The following PROM2 variants were observed in gnomAD, a reference collection of about 807,000 sequenced individuals.
PROM2 encodes the protein prominin-2.
In PROM2, 90 loss-of-function variants were observed where a neutral mutation model predicts 110.2. That is an observed-to-expected ratio of 0.82 (90% CI 0.69 to 0.97). The LOEUF is 0.97. Ranked by LOEUF, PROM2 falls within the 50% of genes least tolerant of loss-of-function variation. The pLI is 0.00. For synonymous variants in PROM2, 470 were observed against 467.8 expected, an observed-to-expected ratio of 1.00 and a Z score of -0.06; for missense variants, 1,009 against 1,074.8, an observed-to-expected ratio of 0.94 and a Z score of 0.86.
rs879332266 is a variant in PROM2, at chr2:95,286,993, A to C, written c.2094+136A>C. 4 of 1,265,378 alleles carry C rather than the reference A, an allele frequency of 3.2e-6. No individual in the cohort carries two copies. The African/African-American group carries it at 5.9e-5, about 19-fold the overall frequency. 78.4% of individuals were successfully genotyped at this position (1,265,378 alleles called of 1,614,324 possible). ...GGGTTGGGAGGAAGATGGGGGTGGC[A>C]GCAGAGCCTGGGGGATCACCACCCT... On this transcript the variant is annotated intron_variant, in intron 18 of 23. Transcript: ENST00000317620.
Position 95,290,081 on chromosome 2 carries a change from C to T in PROM2, c.*868C>T, listed in dbSNP as rs1258577973. On this transcript the variant is annotated 3_prime_UTR_variant, in exon 24 of 24. Transcript: ENST00000317620. ...ACCTGGGCCACAGTGGGGGCTTGCC[C>T]TTACCTCTTCAGAAGGAAGCATCTT... 7 of 152,302 alleles carry T rather than the reference C, an allele frequency of 4.6e-5. No homozygotes were observed. The highest frequency in any genetic ancestry group is 8.8e-5 in the Non-Finnish European group (6 of 68,118). 9.4% of individuals were successfully genotyped at this position (152,302 alleles called of 1,614,324 possible). A position where few individuals can be genotyped will look rare whatever the true frequency, so the allele number is the denominator to read the frequency against.
rs775529971 is a variant in PROM2 at position 95,287,228 on chromosome 2, G to A, written c.2175+15G>A. 2.2e-5 allele frequency: 35 copies of A among 1,612,274 alleles called. No individual in the cohort carries two copies. The highest frequency in any genetic ancestry group is 4.0e-5 in the African/African-American group (3 of 74,864). On this transcript the variant is annotated intron_variant, in intron 19 of 23. Transcript: ENST00000317620. ...TCCTGAGGAATGTGAGTGGTGGGTG[G>A]GACAGGGAAGGGGCTTCCACCCCAG... is the stretch of plus-strand genomic sequence containing the variant.
In PROM2 at chr2:95,277,438, C is replaced by T. The variant is rs367725763; in HGVS notation, c.847C>T (p.Leu283=). 1.2e-5 allele frequency: 19 copies of T among 1,613,346 alleles called. No homozygotes were observed. In the African/African-American group the frequency reaches 2.3e-4, roughly 19 times the overall value. The change falls in exon 7 of 24, where the codon CTG becomes TTG. Residue 283 remains leucine, a synonymous_variant. Coordinates refer to ENST00000317620, the MANE Select transcript of PROM2 (RefSeq NM_001165978.3). ...AGAGCTGCAGGCCGGGCAGCAGGACCTGGAGCCAGCCATCCGGGAACACCG... is the reference window on the plus strand; with the variant it reads ...AGAGCTGCAGGCCGGGCAGCAGGACTTGGAGCCAGCCATCCGGGAACACCG... ...VVELQAGQQD[L]EPAIREHRDR...
In PROM2 at chr2:95,288,204, G is replaced by T. The variant is rs149529546; in HGVS notation, c.2245-7G>T. ...TCTGCATCACCTGCCTCATGTTGGCGCCACAGGTGACTCAGCGCATTGCCA... is the reference window on the plus strand; with the variant it reads ...TCTGCATCACCTGCCTCATGTTGGCTCCACAGGTGACTCAGCGCATTGCCA... On this transcript the variant is annotated splice_region_variant and splice_polypyrimidine_tract_variant and intron_variant, in intron 20 of 23. Coordinates refer to ENST00000317620, the MANE Select transcript of PROM2 (RefSeq NM_001165978.3). The T allele has an allele frequency of 3.1e-6, 5 of 1,612,840 alleles. No homozygotes were observed. The highest frequency in any genetic ancestry group is 4.2e-6 in the Non-Finnish European group (5 of 1,179,954).
chr2:95,287,887 A>G (rs1236858070), intron 20 of PROM2, among the ~76,000 whole-genome samples: 1 of 152,010 alleles, frequency 6.6e-6, no homozygotes, highest in Non-Finnish European at 1.5e-5. Flanking sequence ...CTGTGTGTCT[A>G]TGTGTGTGTG....
chr2:95,282,066 GC>G, intron 13 of PROM2, 50 bp downstream of exon 13: 1 of 1,609,708 alleles, frequency 6.2e-7, no homozygotes, highest in Non-Finnish European at 8.5e-7. Context: ...AAGGAGGAGG[GC>G]CGGTGTCCCT....
At position 95,281,343 on chromosome 2, in the gene PROM2, G is replaced by A. The variant is rs1375247238; in HGVS notation, c.1529G>A (p.Trp510Ter). Residue 510 changes from tryptophan (W) to a stop codon, truncating the protein, a stop_gained, in exon 12 of 24, where the codon TGG (tryptophan) becomes TAG (stop). Transcript: ENST00000317620. LOFTEE classifies it high-confidence loss of function. Reference sequence around the variant, plus strand: ...GTGCAGACGCTGGTGTGCCAGAGCTGGGAGAACGGCGAGCTCTTTGAGGTA... The same window carrying A: ...GTGCAGACGCTGGTGTGCCAGAGCTAGGAGAACGGCGAGCTCTTTGAGGTA... The part of the protein sequence containing the change: ...GNVQTLVCQS[W>*]ENGELFEFAD... 6.2e-7 allele frequency: 1 copy of A among 1,612,686 alleles called. No individual in the cohort carries two copies. Among genetic ancestry groups the A allele is most frequent in the Non-Finnish European group, 8.5e-7 (1 of 1,179,904 alleles).
intron 22 of PROM2, among the ~76,000 whole-genome samples, 153 bp from the exon 23 acceptor site, chr2:95,288,780 T>A (rs1389147382): frequency 6.6e-6 from 1 of 152,218 alleles, no homozygotes; most frequent in Non-Finnish European, 1.5e-5. Flanking sequence ...CTTACCCTTC[T>A]TGCTGCATCC....
At chr2:95,278,493 T>C in intron 8 of PROM2, 1 of 605,172 alleles carries the variant, frequency 1.7e-6, no homozygotes, top group Non-Finnish European at 3.0e-6. Flanking sequence ...TTCACTGCAA[T>C]GGTGGGAGAG....
intron 20 of PROM2, 106 bp from the exon 21 acceptor site, chr2:95,288,105 C>A: frequency 9.0e-7 from 1 of 1,117,080 alleles, no homozygotes. Flanking sequence ...AATGGTGTCC[C>A]CAGGCCTTTC....
chr2:95,286,775 C>T (rs1677388318), intron 17 of PROM2, 29 bp from the exon 18 acceptor site: 1 of 1,610,972 alleles, frequency 6.2e-7, no homozygotes, highest in South Asian at 1.1e-5. Context: ...CTTGCACTCC[C>T]CTAACCAGCC....
In PROM2 at chr2:95,279,851, C is replaced by T. The variant is rs765574789; in HGVS notation, c.1281C>T (p.Ile427=). The part of the protein sequence containing the change: ...EVQRYETYRW[I]VGCVLCSVVL... ...CATGTCCTCTCTGTGGCAGGTGGAT[C>T]GTGGGCTGCGTGCTGTGCTCCGTGG... Residue 427 remains isoleucine (I), a synonymous_variant, in exon 11 of 24, where the codon ATC becomes ATT. Coordinates refer to ENST00000317620, the MANE Select transcript of PROM2 (RefSeq NM_001165978.3). 6 of 1,459,468 alleles carry T rather than the reference C, an allele frequency of 4.1e-6. No homozygotes were observed. The highest frequency in any genetic ancestry group is 3.6e-6 in the Non-Finnish European group (4 of 1,098,464). 90.4% of individuals were successfully genotyped at this position (1,459,468 alleles called of 1,614,324 possible). A position where few individuals can be genotyped will look rare whatever the true frequency, so the allele number is the denominator to read the frequency against.
In PROM2 at chr2:95,290,689, T is replaced by TGTC. The variant is rs1239485282; in HGVS notation, c.*1479_*1481dup. ...GTGGATGGAAGCTGCCTATTATTATTGTCGTTGTTGTTGTTTGCCATGACT... is the reference window on the plus strand; with the variant it reads ...GTGGATGGAAGCTGCCTATTATTATTGTCGTCGTTGTTGTTGTTTGCCATGACT... On this transcript the variant is annotated 3_prime_UTR_variant, in exon 24 of 24. Coordinates refer to ENST00000317620, the MANE Select transcript of PROM2 (RefSeq NM_001165978.3). 6.6e-6 allele frequency: 1 copy of TGTC among 152,206 alleles called. No homozygotes were observed. Among genetic ancestry groups the TGTC allele is most frequent in the Non-Finnish European group, 1.5e-5 (1 of 68,034 alleles). 9.4% of individuals were successfully genotyped at this position (152,206 alleles called of 1,614,324 possible). A position where few individuals can be genotyped will look rare whatever the true frequency, so the allele number is the denominator to read the frequency against.
rs1558749255 is a variant in PROM2, at chr2:95,286,829, C to G, written c.2066C>G (p.Ala689Gly). 5 of 1,613,886 alleles carry G rather than the reference C, an allele frequency of 3.1e-6. No individual in the cohort carries two copies. Among genetic ancestry groups the G allele is most frequent in the Non-Finnish European group, 4.2e-6 (5 of 1,179,988 alleles). Residue 689 changes from alanine (A) to glycine (G), a missense_variant, in exon 18 of 24, where the codon GCC becomes GGC. By Grantham distance (60) the Ala-to-Gly change is moderately conservative. Coordinates refer to ENST00000317620, the MANE Select transcript of PROM2 (RefSeq NM_001165978.3). ...LVAKLNLSVR[A>G]LESSAPNLQL... is the part of the protein sequence containing the mutation. ...GCAAAGCTCAACCTCAGCGTCAGGG[C>G]CCTGGAGTCCTCTGCCCCGAATCTC... is the stretch of plus-strand genomic sequence containing the variant.
rs1676940095 is a variant in PROM2, at chr2:95,279,839, T to C, written c.1275-6T>C. ...CTTAGTGACACCCATGTCCTCTCTG[T>C]GGCAGGTGGATCGTGGGCTGCGTGC... is the stretch of plus-strand genomic sequence containing the variant. On this transcript the variant is annotated splice_region_variant and splice_polypyrimidine_tract_variant and intron_variant, in intron 10 of 23. Coordinates refer to ENST00000317620, the MANE Select transcript of PROM2 (RefSeq NM_001165978.3). 1 of 1,447,548 alleles carries C rather than the reference T, an allele frequency of 6.9e-7. No individual in the cohort carries two copies. The highest frequency in any genetic ancestry group is 2.5e-5 in the Admixed American group (1 of 40,760). The allele number at this position is 1,447,548 out of a possible 1,614,324, so 89.7% of individuals were successfully genotyped here. A position where few individuals can be genotyped will look rare whatever the true frequency, so the allele number is the denominator to read the frequency against.
intron 21 of PROM2, 25 bp from the exon 22 acceptor site, chr2:95,288,458 G>A (rs753636519): frequency 3.5e-5 from 57 of 1,610,062 alleles, no homozygotes; most frequent in Non-Finnish European, 4.8e-5. Context: ...GTGGGTTGGT[G>A]AGCCGACCTC....
intron 6 of PROM2, 44 bp downstream of exon 6, chr2:95,277,105 G>A (rs766568594): frequency 4.2e-5 from 63 of 1,509,802 alleles, no homozygotes; most frequent in Non-Finnish European, 5.5e-5. Context: ...CCCAGCGGGT[G>A]TCCTCCTGGG....
Position 95,275,655 on chromosome 2 carries a change from G to T in PROM2, c.294+145G>T. The T allele has an allele frequency of 1.5e-6, 2 of 1,353,472 alleles. No homozygotes were observed. The highest frequency in any genetic ancestry group is 2.9e-5 in the South Asian group (2 of 69,354). The allele number at this position is 1,353,472 out of a possible 1,614,324, so 83.8% of individuals were successfully genotyped here. Reference sequence around the variant, plus strand: ...AGGCATCCTCTCCCCTCCTCTGTGGGCGCTGCAGTCCGTAGACCTGGGTGC... The same window carrying T: ...AGGCATCCTCTCCCCTCCTCTGTGGTCGCTGCAGTCCGTAGACCTGGGTGC... On this transcript the variant is annotated intron_variant, in intron 2 of 23. Coordinates refer to ENST00000317620, the MANE Select transcript of PROM2 (RefSeq NM_001165978.3). This position sits in a 1 kb window ranked among gnomAD's most constrained non-coding sequence, Gnocchi z 4.4.
In PROM2 at chr2:95,275,260, C is replaced by T. The variant is rs1457036463; in HGVS notation, c.245-201C>T. Among the ~76,000 whole-genome samples the T allele has an allele frequency of 6.6e-6, 1 of 152,228 alleles. No homozygotes were observed. The highest frequency in any genetic ancestry group is 1.5e-5 in the Non-Finnish European group (1 of 68,038). On this transcript the variant is annotated intron_variant, in intron 1 of 23. Coordinates refer to ENST00000317620, the MANE Select transcript of PROM2 (RefSeq NM_001165978.3). The surrounding 1 kb of genome is among the most constrained non-coding windows in gnomAD (Gnocchi z 4.4). Reference sequence around the variant, plus strand: ...TCCAGGAGGAGAGGTCTGCAGCCTCCTCTCTGCTCGCCCTCCTGTAGCAGT... The same window carrying T: ...TCCAGGAGGAGAGGTCTGCAGCCTCTTCTCTGCTCGCCCTCCTGTAGCAGT...
Sources: gnomAD v4.1 joint callset for allele counts (sites outside exome capture counted in the v4.1 genomes callset) on GRCh38, gnomAD v4.1.1 for gene constraint, Gnocchi (gnomAD v3.1) non-coding constraint, MANE v1.5 for transcripts, NCBI Gene and HGNC (gene_info 2026-07-23, HGNC 2026-07-21) for gene names.